Variants in GGTA1 observed in about 807,000 individuals in gnomAD.
The protein encoded by GGTA1 is glycoprotein alpha-galactosyltransferase 1 (inactive).
GGTA1 carries 5 observed loss-of-function variants against 2.6 expected under a neutral mutation model. The ratio of observed to expected loss-of-function variants is 1.92; its 90% CI spans 1.00 to 4.04. The LOEUF (loss-of-function observed/expected upper bound fraction) is 4.04, where lower values mean the gene tolerates loss of function less well. Ranked by LOEUF, GGTA1 falls within the 30% of genes most tolerant of loss-of-function variation. GGTA1 has a pLI of 0.00. For synonymous variants in GGTA1, 17 were observed against 5.0 expected (o/e 3.38, Z -3.19); for missense variants, 50 against 16.7 (o/e 2.99, Z -3.47).
intron 1 of GGTA1, among the ~76,000 whole-genome samples, chr9:121,490,125 C>T (rs1242820691): frequency 6.6e-6 from 1 of 152,186 alleles, no homozygotes; most frequent in African/African-American, 2.4e-5. Flanking sequence ...TGCGTTGGTT[C>T]TCTTTCCCTC....
At chr9:121,456,638 A>T (rs1312027801) in intron 5 of GGTA1, among the ~76,000 whole-genome samples, 1 of 151,780 alleles carries the variant, frequency 6.6e-6, no homozygotes, top group Non-Finnish European at 1.5e-5. Context: ...CTGGTCTCGA[A>T]CTCCCGACCT....
In GGTA1 at chr9:121,477,000, T is replaced by C. The variant is rs114649659; in HGVS notation, c.-9-9069A>G. Among the ~76,000 whole-genome samples the C allele has an allele frequency of 7.4e-3, 1,129 of 152,174 alleles. 16 individuals carry two copies. The highest frequency in any genetic ancestry group is 0.026 in the African/African-American group (1,067 of 41,494). Reference sequence around the variant, plus strand: ...GTTGAGCACCTGGGCCCCTCCTCCTTTGGCCTCAAGAAGAAGGAGATGAAC... The same window carrying C: ...GTTGAGCACCTGGGCCCCTCCTCCTCTGGCCTCAAGAAGAAGGAGATGAAC... On this transcript the variant is annotated intron_variant, in intron 1 of 5. Transcript: ENST00000481799. This position sits in a 1 kb window ranked among gnomAD's most constrained non-coding sequence, Gnocchi z 4.6.
Position 121,467,933 on chromosome 9 carries a change from T to C in GGTA1, c.-9-2A>G, listed in dbSNP as rs1470025680. The C allele has an allele frequency of 1.3e-5, 6 of 455,010 alleles. No homozygotes were observed. The East Asian group carries it at 2.1e-4, about 16-fold the overall frequency. 28.2% of individuals were successfully genotyped at this position (455,010 alleles called of 1,614,324 possible). ...TCCTTTGACATTCATTATTTTCTCC[T>C]AGGAAAAAAGAAGAGGGGAGAAAAA... On this transcript the variant is annotated splice_acceptor_variant, in intron 1 of 5. Transcript: ENST00000481799. LOFTEE classifies it low-confidence loss of function (5UTR_SPLICE).
intron 5 of GGTA1, among the ~76,000 whole-genome samples, chr9:121,456,097 A>C (rs565053490): frequency 3.9e-5 from 6 of 152,300 alleles, no homozygotes; most frequent in Non-Finnish European, 8.8e-5. Flanking sequence ...AACCCCCCAA[A>C]AAAGAAGTGA....
At chr9:121,473,520 C>T (rs1828439543) in intron 1 of GGTA1, among the ~76,000 whole-genome samples, 1 of 152,050 alleles carries the variant, frequency 6.6e-6, no homozygotes, top group African/African-American at 2.4e-5. Flanking sequence ...AAAAATGAGG[C>T]ATTTGGCAGC....
intron 1 of GGTA1, among the ~76,000 whole-genome samples, chr9:121,480,061 C>CTTTTCTTTTCTTTTTTTT (rs58602847): frequency 7.2e-6 from 1 of 139,826 alleles, no homozygotes. Context: ...CTTTTCTTTT[C>CTTTTCTTTTCTTTTTTTT]TTTTTTTTTT....
At chr9:121,485,268 T>C (rs566291166) in intron 1 of GGTA1, among the ~76,000 whole-genome samples, 3 of 152,262 alleles carry the variant, frequency 2.0e-5, no homozygotes, top group African/African-American at 7.2e-5. Flanking sequence ...TGCTCAGTGC[T>C]GGCTACAAGG....
chr9:121,447,603 A>G (rs2064858118), intron 7 of GGTA1: 1 of 152,570 alleles, frequency 6.6e-6, no homozygotes, highest in African/African-American at 2.4e-5. Context: ...TATATCTGAA[A>G]CAAAGAAGAA....
intron 1 of GGTA1, among the ~76,000 whole-genome samples, chr9:121,469,792 A>C (rs1054541624): frequency 6.6e-6 from 1 of 152,162 alleles, no homozygotes; most frequent in Admixed American, 6.5e-5. Flanking sequence ...TGAGCTGTAG[A>C]TCTTCACCTG....
chr9:121,477,573 C>CTTTTTT (rs34446366), intron 1 of GGTA1, among the ~76,000 whole-genome samples: 34 of 101,488 alleles, frequency 3.4e-4, no homozygotes, highest in Non-Finnish European at 4.0e-4. Context: ...TGCAACCTTG[C>CTTTTTT]TTTTTTTTTT....
Position 121,463,310 on chromosome 9 carries a change from C to CA in GGTA1, c.98dup (p.Leu33PhefsTer12). On this transcript the variant is annotated frameshift_variant, in exon 3 of 6. Coordinates refer to ENST00000481799, the MANE Select transcript of GGTA1 (RefSeq NM_001382585.1). LOFTEE classifies it high-confidence loss of function. Reference sequence around the variant, plus strand: ...GCACTTACTTTGAGTGATATATCCACAAGAAAGAGCCTTCTGTGCTAAAAG... The same window carrying CA: ...GCACTTACTTTGAGTGATATATCCACAAAGAAAGAGCCTTCTGTGCTAAAAG... 1 of 452,226 alleles carries CA rather than the reference C, an allele frequency of 2.2e-6. No individual in the cohort carries two copies. Among genetic ancestry groups the CA allele is most frequent in the Non-Finnish European group, 4.4e-6 (1 of 225,478 alleles). The allele number at this position is 452,226 out of a possible 1,614,324, so 28.0% of individuals were successfully genotyped here. A position where few individuals can be genotyped will look rare whatever the true frequency, so the allele number is the denominator to read the frequency against.
At chr9:121,479,545 AGT>A (rs1828589158) in intron 1 of GGTA1, among the ~76,000 whole-genome samples, 1 of 152,166 alleles carries the variant, frequency 6.6e-6, no homozygotes, top group South Asian at 2.1e-4. Context: ...AACTGGGCCT[AGT>A]ATGGGAGGAG....
chr9:121,479,355 T>G (rs915841052), intron 1 of GGTA1: 1 of 350,446 alleles, frequency 2.9e-6, no homozygotes, highest in African/African-American at 2.2e-5. Flanking sequence ...AATAAACAGC[T>G]GTTTCAGGAG....
At chr9:121,469,478 G>T (rs1038681415) in intron 1 of GGTA1, among the ~76,000 whole-genome samples, 2 of 152,130 alleles carry the variant, frequency 1.3e-5, no homozygotes, top group African/African-American at 2.4e-5. Context: ...CAAGCACCTT[G>T]GAAGCCAGAG....
At chr9:121,459,428 C>A (rs1043632870) in intron 5 of GGTA1, among the ~76,000 whole-genome samples, 9 of 152,232 alleles carry the variant, frequency 5.9e-5, no homozygotes, top group Non-Finnish European at 1.3e-4. Flanking sequence ...AGAGCAAGAT[C>A]CTGTCTCAAA....
chr9:121,494,201 A>G (rs1008147599), intron 1 of GGTA1, among the ~76,000 whole-genome samples: 8 of 152,166 alleles, frequency 5.3e-5, no homozygotes, highest in African/African-American at 1.9e-4. Context: ...CACACCCCCA[A>G]AGTCTCTTGT....
At chr9:121,479,592 A>T (rs1332616649) in intron 1 of GGTA1, among the ~76,000 whole-genome samples, 1 of 152,150 alleles carries the variant, frequency 6.6e-6, no homozygotes, top group African/African-American at 2.4e-5. Context: ...AGGGACACCA[A>T]GGGGGCCCAC....
At chr9:121,478,796 A>G (rs1828572272) in intron 1 of GGTA1, among the ~76,000 whole-genome samples, 1 of 152,198 alleles carries the variant, frequency 6.6e-6, no homozygotes, top group Admixed American at 6.5e-5. Context: ...CCTTTGGGAA[A>G]TCTAAAGGCT....
intron 1 of GGTA1, among the ~76,000 whole-genome samples, chr9:121,475,159 A>G (rs1458768455): frequency 6.6e-6 from 1 of 152,214 alleles, no homozygotes; most frequent in African/African-American, 2.4e-5. Context: ...AGTTTGCGGT[A>G]AAGAAGCCGG....
Sources: gnomAD v4.1 joint callset for allele counts (sites outside exome capture counted in the v4.1 genomes callset) on GRCh38, gnomAD v4.1.1 for gene constraint, Gnocchi (gnomAD v3.1) non-coding constraint, MANE v1.5 for transcripts, NCBI Gene and HGNC (gene_info 2026-07-23, HGNC 2026-07-21) for gene names.